Variants in PRKCH observed in about 807,000 individuals in gnomAD.
The protein encoded by PRKCH is protein kinase C eta type.
In PRKCH, 28 loss-of-function variants were observed where a neutral mutation model predicts 82.5. The observed-to-expected ratio is 0.34, with a 90% confidence interval of 0.25 to 0.47. PRKCH has a LOEUF of 0.47. PRKCH is among the 20% of genes least tolerant of loss of function. The pLI, the probability that PRKCH is intolerant of heterozygous loss-of-function variation, is 1.00. For missense variants in PRKCH, 705 were observed against 881.8 expected, an observed-to-expected ratio of 0.80 and a Z score of 2.54; for synonymous variants, 322 against 327.4, an observed-to-expected ratio of 0.98 and a Z score of 0.18.
intron 1 of PRKCH, among the ~76,000 whole-genome samples, chr14:61,365,887 T>A (rs949689189): frequency 1.3e-5 from 2 of 152,090 alleles, no homozygotes; most frequent in African/African-American, 4.8e-5. Context: ...AGGCAGTAAT[T>A]CCTACAGGAG....
intron 13 of PRKCH, among the ~76,000 whole-genome samples, chr14:61,548,427 C>A (rs2043286752): frequency 2.6e-5 from 4 of 152,214 alleles, no homozygotes; most frequent in Admixed American, 2.0e-4. Context: ...CCAGGGGCTC[C>A]TCTCCAAGCT....
chr14:61,278,605 G>A (rs1391035067), intron 1 of PRKCH: 1 of 152,176 alleles, frequency 6.6e-6, no homozygotes, highest in Non-Finnish European at 1.5e-5. Context: ...GTAATAGCAG[G>A]CACTGAAGAA....
Position 61,391,248 on chromosome 14 carries a change from A to G in PRKCH, c.387A>G (p.Lys129=), listed in dbSNP as rs765837647. 2 of 1,611,218 alleles carry G rather than the reference A, an allele frequency of 1.2e-6. No homozygotes were observed. The highest frequency in any genetic ancestry group is 1.7e-6 in the Non-Finnish European group (2 of 1,178,858). Residue 129 remains lysine (K), a synonymous_variant, in exon 2 of 14, where the codon AAA becomes AAG. Coordinates refer to ENST00000332981, the MANE Select transcript of PRKCH (RefSeq NM_006255.5). The part of the protein sequence containing the change: ...EGWVDLEPEG[K]VFVVITLTGS... ...AGGTGGATCTCGAGCCAGAGGGGAAAGTATTTGTGGTAATAACCCTTACCG... is the reference window on the plus strand; with the variant it reads ...AGGTGGATCTCGAGCCAGAGGGGAAGGTATTTGTGGTAATAACCCTTACCG...
At chr14:61,480,180 G>A (rs1885909402) in intron 9 of PRKCH, among the ~76,000 whole-genome samples, 1 of 152,224 alleles carries the variant, frequency 6.6e-6, no homozygotes, top group South Asian at 2.1e-4. Flanking sequence ...TCTATGCACA[G>A]GTTTAAATAC....
At chr14:61,333,575 CTTAT>C (rs1260904192) in intron 1 of PRKCH, among the ~76,000 whole-genome samples, 4 of 152,174 alleles carry the variant, frequency 2.6e-5, no homozygotes, top group East Asian at 1.9e-4. Flanking sequence ...TGTGTTCTCA[CTTAT>C]GGCTTCTGGT....
At chr14:61,306,622 G>C (rs544206213) in intron 1 of PRKCH, 3 of 152,208 alleles carry the variant, frequency 2.0e-5, no homozygotes, top group Admixed American at 2.0e-4. Flanking sequence ...TTTCTAGTGG[G>C]AGGATGTGTC....
intron 1 of PRKCH, among the ~76,000 whole-genome samples, chr14:61,247,113 G>A (rs2044891854): frequency 6.6e-6 from 1 of 152,286 alleles, no homozygotes; most frequent in South Asian, 2.1e-4. Flanking sequence ...CGTAAAGGCA[G>A]GAACTATGTC....
rs747233891 is a variant in PRKCH, at chr14:61,280,334, C to T, written c.-19+92666C>T. The T allele has an allele frequency of 5.0e-6, 8 of 1,613,944 alleles. No homozygotes were observed. The highest frequency in any genetic ancestry group is 1.3e-5 in the African/African-American group (1 of 75,054). On this transcript the variant is annotated intron_variant, in intron 1 of 3. Transcript: ENST00000555185. The surrounding 1 kb of genome is among the most constrained non-coding windows in gnomAD (Gnocchi z 5.0). ...CGCGGCAGCCCGGCCGAGTAGTTGCCCTGGCGGATGCGCGCGTACAGTTTG... is the reference window on the plus strand; with the variant it reads ...CGCGGCAGCCCGGCCGAGTAGTTGCTCTGGCGGATGCGCGCGTACAGTTTG...
rs55737090 is a variant in PRKCH, at chr14:61,322,295, A to G, written c.194A>G (p.Lys65Arg). 9.8e-4 allele frequency: 1,581 copies of G among 1,612,880 alleles called. 1 individual carries two copies. The highest frequency in any genetic ancestry group is 1.3e-3 in the Non-Finnish European group (1,493 of 1,179,762). The stretch of plus-strand genomic sequence containing the variant: ...ACCAGCACCAAGCAGAAGACCAACA[A>G]ACCCACGTACAACGAGGAGTTTTGC... ...GQTSTKQKTNKPTYNEEFCAN... is the reference protein window; with the variant it reads ...GQTSTKQKTNRPTYNEEFCAN... Residue 65 changes from lysine to arginine, a missense_variant, in exon 1 of 14, where the codon AAA (lysine) becomes AGA (arginine). This residue lies in a region of PRKCH where 246 missense variants were observed against 308.0 expected (regional missense o/e 0.80). Transcript: ENST00000332981.
chr14:61,251,904 A>G (rs1402413320), intron 1 of PRKCH, among the ~76,000 whole-genome samples: 2 of 152,000 alleles, frequency 1.3e-5, no homozygotes, highest in African/African-American at 2.4e-5. Flanking sequence ...CAGTGGCACA[A>G]TCTTGGCTCA....
At chr14:61,282,798 G>T (rs540574183) in intron 1 of PRKCH, among the ~76,000 whole-genome samples, 4 of 152,184 alleles carry the variant, frequency 2.6e-5, no homozygotes, top group African/African-American at 9.6e-5. Context: ...AAGACTGAGG[G>T]AAATTCAAGT....
chr14:61,391,316 G>A, intron 2 of PRKCH, 28 bp downstream of exon 2: 2 of 1,555,890 alleles, frequency 1.3e-6, no homozygotes, highest in Non-Finnish European at 1.8e-6. Flanking sequence ...GTAGTTTCCA[G>A]AATACATGTA....
chr14:61,389,568 G>A (rs144932922), intron 1 of PRKCH, among the ~76,000 whole-genome samples: 1 of 152,084 alleles, frequency 6.6e-6, no homozygotes, highest in East Asian at 1.9e-4. Context: ...GGTTATGGTG[G>A]CACATGCCTA....
At chr14:61,194,344 G>C (rs1435086928) in intron 1 of PRKCH, among the ~76,000 whole-genome samples, 1 of 152,164 alleles carries the variant, frequency 6.6e-6, no homozygotes, top group African/African-American at 2.4e-5. Flanking sequence ...ATCTTCAAGG[G>C]CATGACATTT....
At chr14:61,504,450 A>G (rs998293580) in intron 10 of PRKCH, among the ~76,000 whole-genome samples, 17 of 152,088 alleles carry the variant, frequency 1.1e-4, no homozygotes, top group Non-Finnish European at 1.2e-4. Flanking sequence ...TCGGCCTCCC[A>G]AAGTGCTGGG....
intron 1 of PRKCH, chr14:61,298,375 G>GC (rs1566811141): frequency 6.6e-6 from 1 of 152,118 alleles, no homozygotes; most frequent in African/African-American, 2.4e-5. Flanking sequence ...AGGGAATGCC[G>GC]CCGTCATCAG....
intron 1 of PRKCH, among the ~76,000 whole-genome samples, chr14:61,251,276 T>A (rs2044943798): frequency 6.6e-6 from 1 of 152,236 alleles, no homozygotes; most frequent in Non-Finnish European, 1.5e-5. Flanking sequence ...GTCACCCTGT[T>A]GTGCTATCAA....
chr14:61,374,617 G>C (rs190047759), intron 1 of PRKCH, among the ~76,000 whole-genome samples: 6 of 152,052 alleles, frequency 3.9e-5, no homozygotes, highest in African/African-American at 1.5e-4. Context: ...AAGGCTTGAG[G>C]CTTGCACCCT....
chr14:61,328,913 G>A (rs2045742108), intron 1 of PRKCH, among the ~76,000 whole-genome samples: 1 of 151,720 alleles, frequency 6.6e-6, no homozygotes, highest in Admixed American at 6.6e-5. Flanking sequence ...TTGAGCCTGG[G>A]AGGTTGAGGC....
Sources: gnomAD v4.1 joint callset for allele counts (sites outside exome capture counted in the v4.1 genomes callset) on GRCh38, gnomAD v4.1.1 for gene constraint, gnomAD v4.1.1 regional missense constraint, Gnocchi (gnomAD v3.1) non-coding constraint, MANE v1.5 for transcripts, NCBI Gene and HGNC (gene_info 2026-07-23, HGNC 2026-07-21) for gene names.